Variants in MAP3K10 observed in about 807,000 individuals in gnomAD.
MAP3K10 encodes mitogen-activated protein kinase kinase kinase 10.
In MAP3K10, 22 loss-of-function variants were observed where a neutral mutation model predicts 75.0. The ratio of observed to expected loss-of-function variants is 0.29; its 90% CI spans 0.21 to 0.42. MAP3K10 has a LOEUF of 0.42. Among genes scored for constraint, MAP3K10 ranks in the 10% least tolerant of loss-of-function variants. MAP3K10 has a pLI of 1.00. For missense variants in MAP3K10, 1,165 were observed against 1,379.8 expected, an observed-to-expected ratio of 0.84 and a Z score of 2.47; for synonymous variants, 599 against 612.9, an observed-to-expected ratio of 0.98 and a Z score of 0.34.
chr19:40,191,707 G>T lies in MAP3K10; in HGVS notation c.-325G>T. On this transcript the variant is annotated 5_prime_UTR_variant, in exon 1 of 10. Coordinates refer to ENST00000253055, the MANE Select transcript of MAP3K10 (RefSeq NM_002446.4). ...GGGACTGCCTGCCGCCCTCGCCCTC[G>T]TCCCCCACCGGCGGACCCCGGCGGG... 1 of 236,584 alleles carries T rather than the reference G, an allele frequency of 4.2e-6. No individual in the cohort carries two copies. The highest frequency in any genetic ancestry group is 8.1e-6 in the Non-Finnish European group (1 of 123,314). 14.7% of individuals were successfully genotyped at this position (236,584 alleles called of 1,614,324 possible). A position where few individuals can be genotyped will look rare whatever the true frequency, so the allele number is the denominator to read the frequency against.
Position 40,215,113 on chromosome 19 carries a change from T to A in MAP3K10, c.2686T>A (p.Leu896Met). ...RPRPAASRPR[L>M]DPWKLVSFGR... is the part of the protein sequence containing the mutation. ...TCGGCCGGCTGCCAGTCGCCCCCGCTTGGACCCCTGGAAACTGGTCTCCTT... is the reference window on the plus strand; with the variant it reads ...TCGGCCGGCTGCCAGTCGCCCCCGCATGGACCCCTGGAAACTGGTCTCCTT... The change falls in exon 10 of 10, where the codon TTG becomes ATG. Residue 896 changes from leucine (L) to methionine (M), a missense_variant. Leu to Met is a conservative substitution (Grantham distance 15, BLOSUM62 2). Coordinates refer to ENST00000253055, the MANE Select transcript of MAP3K10 (RefSeq NM_002446.4). The A allele has an allele frequency of 6.2e-7, 1 of 1,610,374 alleles. No individual in the cohort carries two copies. Among genetic ancestry groups the A allele is most frequent in the Non-Finnish European group, 8.5e-7 (1 of 1,178,970 alleles).
At chr19:40,206,209 C>T (rs774321395) in intron 5 of MAP3K10, 52 bp downstream of exon 5, 4 of 1,528,420 alleles carry the variant, frequency 2.6e-6, no homozygotes, top group Admixed American at 4.4e-5. Context: ...GGGAGCAGCC[C>T]CGACCTAGGA....
At chr19:40,195,345 C>T (rs187867436) in intron 1 of MAP3K10, among the ~76,000 whole-genome samples, 2 of 152,042 alleles carry the variant, frequency 1.3e-5, no homozygotes, top group East Asian at 3.9e-4. Context: ...CCCTCTGTCA[C>T]AGGGTTTCGA....
chr19:40,198,212 A>T lies in MAP3K10; in HGVS notation c.683-163A>T, dbSNP rs1055495270. Among the ~76,000 whole-genome samples the T allele has an allele frequency of 6.6e-6, 1 of 152,028 alleles. No homozygotes were observed. Among genetic ancestry groups the T allele is most frequent in the African/African-American group, 2.4e-5 (1 of 41,376 alleles). ...TGGGACAGGGATTAGACCTGGGCGGAGGGGCTCATGGATGTTCCAGGCCAG... is the reference window on the plus strand; with the variant it reads ...TGGGACAGGGATTAGACCTGGGCGGTGGGGCTCATGGATGTTCCAGGCCAG... On this transcript the variant is annotated intron_variant, in intron 1 of 9. Transcript: ENST00000253055. The surrounding 1 kb of genome is among the most constrained non-coding windows in gnomAD (Gnocchi z 4.3).
At position 40,212,751 on chromosome 19, in the gene MAP3K10, G is replaced by C; in HGVS notation, c.1553-54G>C. 1 of 1,554,876 alleles carries C rather than the reference G, an allele frequency of 6.4e-7. No individual in the cohort carries two copies. The highest frequency in any genetic ancestry group is 8.7e-7 in the Non-Finnish European group (1 of 1,150,366). Reference sequence around the variant, plus strand: ...GAGCTGGGGGCACTGGAGGCTGGGAGCCCAGTGGGGACAGATCCTCCACCC... The same window carrying C: ...GAGCTGGGGGCACTGGAGGCTGGGACCCCAGTGGGGACAGATCCTCCACCC... On this transcript the variant is annotated intron_variant, in intron 6 of 9. Coordinates refer to ENST00000253055, the MANE Select transcript of MAP3K10 (RefSeq NM_002446.4). This position sits in a 1 kb window ranked among gnomAD's most constrained non-coding sequence, Gnocchi z 4.2.
rs749106630 is a variant in MAP3K10 at position 40,206,125 on chromosome 19, G to A, written c.1403G>A (p.Arg468Gln). Residue 468 changes from arginine (R) to glutamine (Q), a missense_variant, in exon 5 of 10, where the codon CGG (arginine) becomes CAG (glutamine). This residue lies in a region of MAP3K10 where 575 missense variants were observed against 793.2 expected (regional missense o/e 0.72). Coordinates refer to ENST00000253055, the MANE Select transcript of MAP3K10 (RefSeq NM_002446.4). Reference sequence around the variant, plus strand: ...AAGCGCAGCCGCCTGCTCAAGCTGCGGGAAGGCGGCAGCCACATCAGCCTG... The same window carrying A: ...AAGCGCAGCCGCCTGCTCAAGCTGCAGGAAGGCGGCAGCCACATCAGCCTG... ...NFKRSRLLKL[R>Q]EGGSHISLPS... The A allele has an allele frequency of 2.5e-6, 4 of 1,610,452 alleles. No homozygotes were observed. The highest frequency in any genetic ancestry group is 2.2e-5 in the East Asian group (1 of 44,794).
Position 40,215,403 on chromosome 19 carries a change from T to C in MAP3K10, c.*111T>C. 1 of 1,005,996 alleles carries C rather than the reference T, an allele frequency of 9.9e-7. No individual in the cohort carries two copies. The highest frequency in any genetic ancestry group is 1.4e-6 in the Non-Finnish European group (1 of 697,388). The allele number at this position is 1,005,996 out of a possible 1,614,324, so 62.3% of individuals were successfully genotyped here. A position where few individuals can be genotyped will look rare whatever the true frequency, so the allele number is the denominator to read the frequency against. ...GGCCCTGGGCAGGATGTTCACTCTATTTATTGGGGAAGGAGGGAGGGGGGG... is the reference window on the plus strand; with the variant it reads ...GGCCCTGGGCAGGATGTTCACTCTACTTATTGGGGAAGGAGGGAGGGGGGG... On this transcript the variant is annotated 3_prime_UTR_variant, in exon 10 of 10. Transcript: ENST00000253055.
Position 40,213,037 on chromosome 19 carries a change from C to A in MAP3K10, c.1725-39C>A. ...AAGCCCCAGCTCCCAGGCTCCAGGC[C>A]ACAGGACTGAGGTCTCCATCTCTCC... is the stretch of plus-strand genomic sequence containing the variant. On this transcript the variant is annotated intron_variant, in intron 7 of 9. Coordinates refer to ENST00000253055, the MANE Select transcript of MAP3K10 (RefSeq NM_002446.4). The surrounding 1 kb of genome is among the most constrained non-coding windows in gnomAD (Gnocchi z 5.7). 1 of 1,598,392 alleles carries A rather than the reference C, an allele frequency of 6.3e-7. No homozygotes were observed. Among genetic ancestry groups the A allele is most frequent in the South Asian group, 1.1e-5 (1 of 88,788 alleles).
chr19:40,206,014 T>C lies in MAP3K10; in HGVS notation c.1292T>C (p.Met431Thr), dbSNP rs1278613251. Residue 431 changes from methionine (M) to threonine (T), a missense_variant, in exon 5 of 10, where the codon ATG becomes ACG. Coordinates refer to ENST00000253055, the MANE Select transcript of MAP3K10 (RefSeq NM_002446.4). ...RREQELAERE[M>T]DIVERELHLL... ...GAGCAGGAGCTGGCAGAACGTGAGA[T>C]GGACATCGTGGAACGGGAGCTGCAC... The C allele has an allele frequency of 6.2e-7, 1 of 1,613,126 alleles. No individual in the cohort carries two copies. The highest frequency in any genetic ancestry group is 1.1e-5 in the South Asian group (1 of 90,954).
At chr19:40,208,366 T>TTTTTTTTTTTTTTA (rs1408319138) in intron 5 of MAP3K10, among the ~76,000 whole-genome samples, 1 of 131,482 alleles carries the variant, frequency 7.6e-6, no homozygotes, top group African/African-American at 2.8e-5. Flanking sequence ...TTTTTTTTTT[T>TTTTTTTTTTTTTTA]TTTGTATTTT....
chr19:40,208,367 T>A (rs1973171396), intron 5 of MAP3K10, among the ~76,000 whole-genome samples: 1 of 130,616 alleles, frequency 7.7e-6, no homozygotes, highest in African/African-American at 2.9e-5. Flanking sequence ...TTTTTTTTTT[T>A]TTGTATTTTT....
In MAP3K10 at chr19:40,212,753, C is replaced by G; in HGVS notation, c.1553-52C>G. On this transcript the variant is annotated intron_variant, in intron 6 of 9. Coordinates refer to ENST00000253055, the MANE Select transcript of MAP3K10 (RefSeq NM_002446.4). This position sits in a 1 kb window ranked among gnomAD's most constrained non-coding sequence, Gnocchi z 4.2. ...GCTGGGGGCACTGGAGGCTGGGAGC[C>G]CAGTGGGGACAGATCCTCCACCCAG... 3.2e-6 allele frequency: 5 copies of G among 1,555,938 alleles called. No individual in the cohort carries two copies. The highest frequency in any genetic ancestry group is 4.3e-6 in the Non-Finnish European group (5 of 1,150,982).
intron 5 of MAP3K10, 29 bp downstream of exon 5, chr19:40,206,186 C>G (rs747695251): frequency 4.5e-6 from 7 of 1,557,842 alleles, no homozygotes; most frequent in Non-Finnish European, 6.1e-6. Context: ...AGAGCGCCCC[C>G]CAAGAGGCTG....
chr19:40,202,657 T>A (rs758339291), intron 2 of MAP3K10, among the ~76,000 whole-genome samples: 1 of 152,140 alleles, frequency 6.6e-6, no homozygotes, highest in African/African-American at 2.4e-5. Flanking sequence ...TTTAAAAAAA[T>A]TTTTAAAAGA....
chr19:40,215,173 C>A lies in MAP3K10; in HGVS notation c.2746C>A (p.Pro916Thr), dbSNP rs776846148. The A allele has an allele frequency of 7.5e-6, 12 of 1,602,404 alleles. No homozygotes were observed. Among genetic ancestry groups the A allele is most frequent in the Non-Finnish European group, 1.0e-5 (12 of 1,175,410 alleles). ...RTLTISPPSR[P>T]DTPESPGPPS... ...ACTCACCATCTCGCCTCCCAGCAGG[C>A]CAGACACTCCGGAGAGCCCTGGGCC... The change falls in exon 10 of 10, where the codon CCA (proline) becomes ACA (threonine). Residue 916 changes from proline (P) to threonine (T), a missense_variant. Physicochemically the swap from Pro to Thr is conservative, Grantham distance 38. Around this residue, in one of 2 missense-constraint regions of MAP3K10, gnomAD observed 590 missense variants for 586.6 expected, o/e 1.01. Coordinates refer to ENST00000253055, the MANE Select transcript of MAP3K10 (RefSeq NM_002446.4).
intron 1 of MAP3K10, among the ~76,000 whole-genome samples, chr19:40,195,459 AGCCC>A (rs973248850): frequency 2.9e-5 from 4 of 135,692 alleles, no homozygotes; most frequent in East Asian, 2.3e-4. Context: ...GTAACACTGA[AGCCC>A]GCCCGGCCTT....
At position 40,206,243 on chromosome 19, in the gene MAP3K10, A is replaced by G. The variant is rs1189775371; in HGVS notation, c.1435+86A>G. 6.1e-6 allele frequency: 9 copies of G among 1,468,486 alleles called. No individual in the cohort carries two copies. In the East Asian group the frequency reaches 2.1e-4, roughly 34 times the overall value. 91.0% of individuals were successfully genotyped at this position (1,468,486 alleles called of 1,614,324 possible). On this transcript the variant is annotated intron_variant, in intron 5 of 9. Transcript: ENST00000253055. The stretch of plus-strand genomic sequence containing the variant: ...GATTTATCTCTTCCTTTTCTTTTTC[A>G]ACTTGTTTTTATTGCTAAATATATC...
chr19:40,209,353 T>C (rs1973192159), intron 6 of MAP3K10, 134 bp downstream of exon 6: 1 of 592,372 alleles, frequency 1.7e-6, no homozygotes, highest in Middle Eastern at 4.2e-4. Flanking sequence ...CTCATTCTTA[T>C]CACAGGAAAC....
intron 2 of MAP3K10, among the ~76,000 whole-genome samples, chr19:40,202,910 C>CT (rs751200266): frequency 5.3e-5 from 8 of 152,330 alleles, no homozygotes; most frequent in Non-Finnish European, 7.4e-5. Flanking sequence ...TTCATGCAGG[C>CT]AGCATGTGGC....
Sources: allele counts gnomAD v4.1 joint callset (sites outside exome capture counted in the v4.1 genomes callset), GRCh38; gene constraint gnomAD v4.1.1; regional missense constraint gnomAD v4.1.1; non-coding constraint Gnocchi (gnomAD v3.1); transcripts MANE v1.5; gene names NCBI Gene and HGNC (gene_info 2026-07-23, HGNC 2026-07-21).